The following SMPDL3A variants were observed in gnomAD, a reference collection of about 807,000 sequenced individuals.
SMPDL3A encodes cyclic GMP-AMP phosphodiesterase SMPDL3A.
Under a neutral mutation model 38.5 loss-of-function variants are expected in SMPDL3A, and 39 were observed. The ratio of observed to expected loss-of-function variants is 1.01; its 90% CI spans 0.78 to 1.32. The LOEUF (loss-of-function observed/expected upper bound fraction) is 1.32. SMPDL3A is among the 40% of genes most tolerant of loss of function. The probability of loss-of-function intolerance (pLI) is 0.00; values close to 1 mark genes in which losing one functional copy is unlikely to be tolerated. For missense variants in SMPDL3A, 502 were observed against 536.2 expected (o/e 0.94, Z 0.63); for synonymous variants, 180 against 194.3 (o/e 0.93, Z 0.61).
At chr6:122,791,778 C>G (rs1781085269) in intron 1 of SMPDL3A, among the ~76,000 whole-genome samples, 1 of 152,186 alleles carries the variant, frequency 6.6e-6, no homozygotes, top group Non-Finnish European at 1.5e-5. Flanking sequence ...ACTGCAAACT[C>G]CGCCTCCCGG....
intron 3 of SMPDL3A, among the ~76,000 whole-genome samples, chr6:122,799,076 A>G (rs186170526): frequency 1.3e-5 from 2 of 152,288 alleles, no homozygotes; most frequent in East Asian, 3.9e-4. Context: ...CTATTTTTCC[A>G]CTGAAATTCT....
At chr6:122,789,665 G>A (rs1391104948) in intron 1 of SMPDL3A, 2 of 319,062 alleles carry the variant, frequency 6.3e-6, no homozygotes, top group African/African-American at 2.3e-5. Flanking sequence ...CCAGCCGGGA[G>A]GCCGGGGCTG....
chr6:122,807,085 G>GT (rs547003528), intron 7 of SMPDL3A, among the ~76,000 whole-genome samples: 4 of 84,520 alleles, frequency 4.7e-5, no homozygotes, highest in Non-Finnish European at 9.9e-5. Context: ...TAGAGATGGG[G>GT]GGGGGGGGTC....
chr6:122,796,700 T>G, intron 2 of SMPDL3A, 124 bp from the exon 3 acceptor site: 1 of 627,310 alleles, frequency 1.6e-6, no homozygotes, highest in Admixed American at 3.3e-5. Context: ...TATCAACTCT[T>G]TAGCTGTAAT....
chr6:122,795,433 G>A (rs1198160090), intron 1 of SMPDL3A, among the ~76,000 whole-genome samples: 1 of 151,970 alleles, frequency 6.6e-6, no homozygotes, highest in East Asian at 1.9e-4. Flanking sequence ...ATGAGCCACC[G>A]CGCCCGGCCT....
In SMPDL3A at chr6:122,806,338, C is replaced by T. The variant is rs1781619325; in HGVS notation, c.1025C>T (p.Pro342Leu). The T allele has an allele frequency of 6.2e-7, 1 of 1,608,304 alleles. No individual in the cohort carries two copies. The highest frequency in any genetic ancestry group is 8.5e-7 in the Non-Finnish European group (1 of 1,176,516). The change falls in exon 7 of 8, where the codon CCT becomes CTT. Residue 342 changes from proline (P) to leucine (L), a missense_variant. Pro to Leu is a moderately conservative substitution (Grantham distance 98). Transcript: ENST00000368440. ...NPGIRLFQYD[P>L]RDYKLLDMLQ... Reference sequence around the variant, plus strand: ...GGTATCAGACTGTTTCAGTATGATCCTCGTGATTATAAATTATTGGTAAGT... The same window carrying T: ...GGTATCAGACTGTTTCAGTATGATCTTCGTGATTATAAATTATTGGTAAGT...
At chr6:122,798,318 A>G (rs1781318405) in intron 3 of SMPDL3A, among the ~76,000 whole-genome samples, 1 of 152,148 alleles carries the variant, frequency 6.6e-6, no homozygotes, top group Non-Finnish European at 1.5e-5. Context: ...CTTGGGAACA[A>G]ATGAGCTCCA....
At chr6:122,791,536 G>A (rs1416406306) in intron 1 of SMPDL3A, among the ~76,000 whole-genome samples, 1 of 152,110 alleles carries the variant, frequency 6.6e-6, no homozygotes, top group East Asian at 1.9e-4. Flanking sequence ...GGCATAAGGC[G>A]AGCTGAATTA....
chr6:122,797,052 A>C (rs1157546627), intron 3 of SMPDL3A, 84 bp downstream of exon 3: 2 of 1,154,492 alleles, frequency 1.7e-6, no homozygotes, highest in African/African-American at 1.5e-5. Context: ...AGCTAGTGAT[A>C]GGGCATGGGA....
At position 122,789,421 on chromosome 6, in the gene SMPDL3A, G is replaced by C. The variant is rs1195558098; in HGVS notation, c.75G>C (p.Val25=). 6.5e-7 allele frequency: 1 copy of C among 1,549,432 alleles called. No homozygotes were observed. Among genetic ancestry groups the C allele is most frequent in the Non-Finnish European group, 8.7e-7 (1 of 1,146,362 alleles). Reference sequence around the variant, plus strand: ...GCCGCTCCGGCCTCGGGCTGCCCGTGGCGCCCGCAGGCGGCAGGAATCCTC... The same window carrying C: ...GCCGCTCCGGCCTCGGGCTGCCCGTCGCGCCCGCAGGCGGCAGGAATCCTC... ...WHCRSGLGLP[V]APAGGRNPPP... Residue 25 remains valine, a synonymous_variant, in exon 1 of 8, where the codon GTG becomes GTC. Transcript: ENST00000368440.
chr6:122,795,612 ATATTTT>A, intron 1 of SMPDL3A, 59 bp from the exon 2 acceptor site: 1 of 1,241,998 alleles, frequency 8.1e-7, no homozygotes, highest in South Asian at 1.3e-5. Flanking sequence ...CTTAATATAA[ATATTTT>A]TATGAGAATT....
chr6:122,789,837 G>C, intron 1 of SMPDL3A: 1 of 985,394 alleles, frequency 1.0e-6, no homozygotes, highest in Non-Finnish European at 1.2e-6. Flanking sequence ...GGAGTCCGAT[G>C]TCCAGCACAG....
rs1166819564 is a variant in SMPDL3A at position 122,789,323 on chromosome 6, TC to T, written c.-22del. 6.6e-7 allele frequency: 1 copy of T among 1,517,570 alleles called. No individual in the cohort carries two copies. Among genetic ancestry groups the T allele is most frequent in the Non-Finnish European group, 8.9e-7 (1 of 1,127,362 alleles). The allele number at this position is 1,517,570 out of a possible 1,614,324, so 94.0% of individuals were successfully genotyped here. On this transcript the variant is annotated 5_prime_UTR_variant, in exon 1 of 8. Coordinates refer to ENST00000368440, the MANE Select transcript of SMPDL3A (RefSeq NM_006714.5). ...GTGGAGCTGCGGGACAGCCCGAACC[TC>T]CAGGTCAGCCCCGCGGCCCTCCATG...
intron 3 of SMPDL3A, among the ~76,000 whole-genome samples, chr6:122,798,297 C>T (rs1480029920): frequency 6.6e-6 from 1 of 152,160 alleles, no homozygotes; most frequent in Non-Finnish European, 1.5e-5. Context: ...TTAGACCACA[C>T]AGTGAAGAGG....
At chr6:122,789,537 G>A in intron 1 of SMPDL3A, 79 bp downstream of exon 1, 1 of 1,263,306 alleles carries the variant, frequency 7.9e-7, no homozygotes, top group Non-Finnish European at 1.1e-6. Context: ...AGGAGAAAGT[G>A]CGTGGGGGCA....
chr6:122,803,565 C>T, intron 4 of SMPDL3A, 99 bp from the exon 5 acceptor site: 1 of 820,406 alleles, frequency 1.2e-6, no homozygotes, highest in East Asian at 2.6e-5. Flanking sequence ...AAATAAGCAC[C>T]AACCTCCTGA....
rs995322132 is a variant in SMPDL3A at position 122,801,395 on chromosome 6, C to A, written c.557C>A (p.Thr186Asn). The change falls in exon 4 of 8, where the codon ACT becomes AAT. Residue 186 changes from threonine (T) to asparagine (N), a missense_variant. Thr to Asn is a moderately conservative substitution (Grantham distance 65). Transcript: ENST00000368440. ...TGGCTAGATGAAGAAGCTATTAGTA[C>A]TTTAAGGAAAGGTAAGTGAAAGACT... The part of the protein sequence containing the change: ...KPWLDEEAIS[T>N]LRKGGFYSQK... 1.2e-6 allele frequency: 2 copies of A among 1,603,006 alleles called. No individual in the cohort carries two copies. The highest frequency in any genetic ancestry group is 2.7e-5 in the African/African-American group (2 of 74,706).
intron 1 of SMPDL3A, among the ~76,000 whole-genome samples, chr6:122,790,266 C>G (rs1781034329): frequency 6.6e-6 from 1 of 152,164 alleles, no homozygotes; most frequent in African/African-American, 2.4e-5. Flanking sequence ...CCACAGTATG[C>G]TGTTTAACCC....
chr6:122,792,505 G>A lies in SMPDL3A; in HGVS notation c.112+3047G>A, dbSNP rs201393936. ...AGGTACTAAATTATATCAGAGGGGT[G>A]TACTCTTAATGCATTTCAGGTTTGG... On this transcript the variant is annotated intron_variant, in intron 1 of 7. Transcript: ENST00000368440. Among the ~76,000 whole-genome samples the A allele has an allele frequency of 2.6e-5, 4 of 152,156 alleles. No homozygotes were observed. The East Asian group carries it at 5.8e-4, about 22-fold the overall frequency.
Sources: allele counts gnomAD v4.1 joint callset (sites outside exome capture counted in the v4.1 genomes callset), GRCh38; gene constraint gnomAD v4.1.1; transcripts MANE v1.5; gene names NCBI Gene and HGNC (gene_info 2026-07-23, HGNC 2026-07-21).